FGF12: variants seen among roughly 807,000 people sequenced by gnomAD.
FGF12 encodes fibroblast growth factor 12B.
A neutral mutation model predicts 23.6 loss-of-function variants in FGF12; 14 were observed. That is an observed-to-expected ratio of 0.59 (90% confidence interval 0.39 to 0.93). The LOEUF (loss-of-function observed/expected upper bound fraction) is 0.93, where lower values mean the gene tolerates loss of function less well. Among genes scored for constraint, FGF12 ranks in the 40% least tolerant of loss-of-function variants. The pLI is 0.00. For missense variants in FGF12, 175 were observed against 217.8 expected, an observed-to-expected ratio of 0.80 and a Z score of 1.24; for synonymous variants, 62 against 77.3, an observed-to-expected ratio of 0.80 and a Z score of 1.04.
chr3:192,305,095 GA>G (rs1715551782), intron 4 of FGF12, among the ~76,000 whole-genome samples: 1 of 152,088 alleles, frequency 6.6e-6, no homozygotes, highest in Non-Finnish European at 1.5e-5. Context: ...AAGGAGAAAG[GA>G]AAGATGGAAA....
chr3:192,365,733 G>C (rs1184922898), intron 2 of FGF12, among the ~76,000 whole-genome samples: 2 of 152,050 alleles, frequency 1.3e-5, no homozygotes, highest in African/African-American at 2.4e-5. Context: ...AATTTCAGCA[G>C]AACGTTTGAA....
intron 2 of FGF12, among the ~76,000 whole-genome samples, chr3:192,564,598 TC>T (rs1323384501): frequency 2.0e-5 from 3 of 152,096 alleles, no homozygotes; most frequent in Non-Finnish European, 4.4e-5. Flanking sequence ...GTCTTTGGGG[TC>T]TCCACACCAT....
intron 2 of FGF12, among the ~76,000 whole-genome samples, chr3:192,439,351 T>A (rs888191956): frequency 6.6e-5 from 10 of 152,214 alleles, no homozygotes; most frequent in Admixed American, 1.3e-4. Flanking sequence ...AGAGCTCTTT[T>A]ACCCATCCTC....
intron 2 of FGF12, among the ~76,000 whole-genome samples, chr3:192,407,492 C>T (rs1210653059): frequency 1.3e-5 from 2 of 152,094 alleles, no homozygotes; most frequent in Non-Finnish European, 2.9e-5. Flanking sequence ...GATGCAATGC[C>T]AAGTGTTGCT....
intron 4 of FGF12, among the ~76,000 whole-genome samples, chr3:192,269,389 G>A (rs554542154): frequency 6.6e-6 from 1 of 152,232 alleles, no homozygotes; most frequent in African/African-American, 2.4e-5. Context: ...TGTAGATACA[G>A]CCATTTGTTG....
chr3:192,155,198 C>G lies in FGF12; in HGVS notation c.428-11071G>C, dbSNP rs766766023. 6.8e-3 allele frequency among the ~76,000 whole-genome samples: 1,032 copies of G among 152,222 alleles called. 4 individuals are homozygous for G. Among genetic ancestry groups the G allele is most frequent in the Middle Eastern group, 0.014 (4 of 294 alleles). ...CGCGCACGGTGCGCGCACCCACTGA[C>G]CTGCGCCCACTGTCTGGCACTCCCT... is the stretch of plus-strand genomic sequence containing the variant. On this transcript the variant is annotated intron_variant, in intron 5 of 5. Transcript: ENST00000445105.
chr3:192,243,576 C>A (rs1293451362), intron 4 of FGF12, among the ~76,000 whole-genome samples: 1 of 150,080 alleles, frequency 6.7e-6, no homozygotes, highest in Non-Finnish European at 1.5e-5. Context: ...TACAGTATAT[C>A]CAACTTAAGC....
chr3:192,720,331 G>A (rs1718999150), intron 2 of FGF12, among the ~76,000 whole-genome samples: 1 of 152,214 alleles, frequency 6.6e-6, no homozygotes, highest in Non-Finnish European at 1.5e-5. Context: ...ATCTGTGAAG[G>A]GGCAACAGGT....
At chr3:192,705,977 T>C (rs1718455721) in intron 2 of FGF12, among the ~76,000 whole-genome samples, 1 of 152,244 alleles carries the variant, frequency 6.6e-6, no homozygotes, top group Non-Finnish European at 1.5e-5. Flanking sequence ...AACTAGAGAA[T>C]ATATCACAAC....
chr3:192,170,705 T>C, intron 4 of FGF12, 49 bp from the exon 5 acceptor site: 1 of 1,498,038 alleles, frequency 6.7e-7, no homozygotes, highest in Admixed American at 2.0e-5. Flanking sequence ...GATTTAAAGG[T>C]GAATCAGCAA....
In FGF12 at chr3:192,408,905, C is replaced by T. The variant is rs1721081318; in HGVS notation, c.14-48367G>A. ...AGGTCTACAGAATGCATCGCGCCGG[C>T]TGCGGCTTTCCAGGGGCCGGCCACC... On this transcript the variant is annotated intron_variant, in intron 2 of 5. Coordinates refer to ENST00000445105, the MANE Select transcript of FGF12 (RefSeq NM_004113.6). The surrounding 1 kb of genome is among the most constrained non-coding windows in gnomAD (Gnocchi z 7.3). The T allele has an allele frequency of 1.0e-6, 1 of 985,392 alleles. No individual in the cohort carries two copies. The highest frequency in any genetic ancestry group is 1.7e-5 in the African/African-American group (1 of 57,328). 61.0% of individuals were successfully genotyped at this position (985,392 alleles called of 1,614,324 possible).
intron 2 of FGF12, among the ~76,000 whole-genome samples, chr3:192,478,896 T>A (rs1387357395): frequency 6.6e-6 from 1 of 152,216 alleles, no homozygotes; most frequent in Admixed American, 6.5e-5. Flanking sequence ...TTATGTTATA[T>A]ATTTTAATTC....
At chr3:192,347,884 A>G (rs1452869171) in intron 3 of FGF12, among the ~76,000 whole-genome samples, 1 of 152,162 alleles carries the variant, frequency 6.6e-6, no homozygotes, top group Non-Finnish European at 1.5e-5. Context: ...TTATTAACTT[A>G]AATCTCCTAC....
At chr3:192,655,061 T>C (rs949430986) in intron 2 of FGF12, among the ~76,000 whole-genome samples, 2 of 152,218 alleles carry the variant, frequency 1.3e-5, no homozygotes, top group Non-Finnish European at 2.9e-5. Flanking sequence ...ATTAATATAG[T>C]AAATTTTGCT....
At chr3:192,327,151 T>A (rs1325823568) in intron 4 of FGF12, among the ~76,000 whole-genome samples, 1 of 152,162 alleles carries the variant, frequency 6.6e-6, no homozygotes, top group Non-Finnish European at 1.5e-5. Flanking sequence ...TATCTACTGG[T>A]TCATTTCCAT....
At chr3:192,175,492 A>G (rs1265050182) in intron 4 of FGF12, among the ~76,000 whole-genome samples, 1 of 152,162 alleles carries the variant, frequency 6.6e-6, no homozygotes, top group Non-Finnish European at 1.5e-5. Flanking sequence ...ATTACTTTAA[A>G]ACCTGCCCAT....
intron 2 of FGF12, among the ~76,000 whole-genome samples, chr3:192,375,819 T>C (rs1719465371): frequency 1.3e-5 from 2 of 151,934 alleles, no homozygotes; most frequent in African/African-American, 4.8e-5. Context: ...AAAAAGATGC[T>C]TACTTTCCCT....
chr3:192,162,015 C>T (rs2108605949), intron 5 of FGF12, among the ~76,000 whole-genome samples: 1 of 152,150 alleles, frequency 6.6e-6, no homozygotes, highest in East Asian at 1.9e-4. Flanking sequence ...TATAAAGAAC[C>T]TCCATCGACT....
intron 4 of FGF12, among the ~76,000 whole-genome samples, chr3:192,248,954 G>A (rs1371581168): frequency 2.0e-5 from 3 of 152,146 alleles, no homozygotes; most frequent in Non-Finnish European, 4.4e-5. Context: ...TTGGGTTAGT[G>A]AAGAGTTTTG....
Sources: gnomAD v4.1 joint callset for allele counts (sites outside exome capture counted in the v4.1 genomes callset) on GRCh38, gnomAD v4.1.1 for gene constraint, Gnocchi (gnomAD v3.1) non-coding constraint, MANE v1.5 for transcripts, NCBI Gene and HGNC (gene_info 2026-07-23, HGNC 2026-07-21) for gene names.